HOMER1: variants seen among roughly 807,000 people sequenced by gnomAD.
HOMER1 encodes the protein homer scaffold protein 1, also known as homer protein homolog 1.
In HOMER1, 3 loss-of-function variants were observed where a neutral mutation model predicts 48.9. The ratio of observed to expected loss-of-function variants is 0.06; its 90% CI spans 0.03 to 0.16. The LOEUF is 0.16. HOMER1 is among the 10% of genes least tolerant of loss of function. HOMER1 has a pLI of 1.00. For synonymous variants in HOMER1, 134 were observed against 146.4 expected (o/e 0.92, Z 0.61); for missense variants, 247 against 411.4 (o/e 0.60, Z 3.46).
intron 1 of HOMER1, among the ~76,000 whole-genome samples, chr5:79,479,235 T>C (rs887887796): frequency 3.9e-5 from 6 of 152,176 alleles, no homozygotes; most frequent in African/African-American, 1.4e-4. Flanking sequence ...AATTTGTTGA[T>C]AGGTCCTTCA....
At chr5:79,419,110 G>A (rs1750027346) in intron 5 of HOMER1, among the ~76,000 whole-genome samples, 1 of 151,938 alleles carries the variant, frequency 6.6e-6, no homozygotes, top group Non-Finnish European at 1.5e-5. Flanking sequence ...TAGAAAGGAT[G>A]TCTATATTTT....
At chr5:79,396,734 A>T in intron 8 of HOMER1, 89 bp downstream of exon 8, 1 of 639,818 alleles carries the variant, frequency 1.6e-6, no homozygotes, top group Non-Finnish European at 2.6e-6. Flanking sequence ...AAAACCTACA[A>T]AATGGAGTCT....
intron 5 of HOMER1, among the ~76,000 whole-genome samples, chr5:79,413,071 T>G (rs1298945467): frequency 1.3e-5 from 2 of 152,164 alleles, no homozygotes; most frequent in East Asian, 3.9e-4. Flanking sequence ...AACTTAAAGC[T>G]TAATCAATAC....
chr5:79,510,891 A>T (rs1752924080), intron 1 of HOMER1: 4 of 668,574 alleles, frequency 6.0e-6, no homozygotes, highest in Non-Finnish European at 1.1e-5. Flanking sequence ...CAGAGGCTTC[A>T]GAGTAGATAT....
rs186182872 is a variant in HOMER1, at chr5:79,462,704, C to G, written c.6-5686G>C. The stretch of plus-strand genomic sequence containing the variant: ...AGTTTTGGTCTAGAAAAAAAGCAGA[C>G]AGTTAACATTCATCACTTGGATAGC... On this transcript the variant is annotated intron_variant, in intron 1 of 8. Transcript: ENST00000334082. 2.7e-3 allele frequency among the ~76,000 whole-genome samples: 407 copies of G among 152,248 alleles called. 4 individuals carry two copies. Among genetic ancestry groups the G allele is most frequent in the Admixed American group, 0.023 (359 of 15,286 alleles).
At chr5:79,462,026 C>T (rs1408590099) in intron 1 of HOMER1, among the ~76,000 whole-genome samples, 1 of 152,008 alleles carries the variant, frequency 6.6e-6, no homozygotes, top group African/African-American at 2.4e-5. Context: ...TGGTAAAACC[C>T]CATCTCTACT....
chr5:79,492,565 G>A (rs543535135), intron 1 of HOMER1, among the ~76,000 whole-genome samples: 39 of 152,066 alleles, frequency 2.6e-4, no homozygotes, highest in Non-Finnish European at 4.6e-4. Context: ...CAAGTGCTTC[G>A]CATGTGGTAT....
chr5:79,439,110 C>T lies in HOMER1; in HGVS notation c.427G>A (p.Glu143Lys). The T allele has an allele frequency of 6.2e-7, 1 of 1,613,946 alleles. No homozygotes were observed. The highest frequency in any genetic ancestry group is 8.5e-7 in the Non-Finnish European group (1 of 1,179,922). Residue 143 changes from glutamate (E) to lysine (K), a missense_variant, in exon 5 of 9, where the codon GAA (glutamate) becomes AAA (lysine). By Grantham distance (56) the Glu-to-Lys change is moderately conservative. Coordinates refer to ENST00000334082, the MANE Select transcript of HOMER1 (RefSeq NM_004272.5). ...TCATCATCTGTCCCGTTGATACTTT[C>T]CGGTGTTAAAGGAGACTGAAGATCC... ...GGDLQSPLTP[E>K]SINGTDDERT...
chr5:79,502,081 G>A (rs935222637), intron 1 of HOMER1, among the ~76,000 whole-genome samples: 35 of 146,448 alleles, frequency 2.4e-4, no homozygotes, highest in African/African-American at 6.1e-4. Flanking sequence ...GTTCAGTGGC[G>A]CGATCTTGGC....
At chr5:79,484,941 T>C (rs1752055318) in intron 1 of HOMER1, among the ~76,000 whole-genome samples, 1 of 151,646 alleles carries the variant, frequency 6.6e-6, no homozygotes, top group South Asian at 2.1e-4. Context: ...TGAAAAAGTA[T>C]TTCCTGAGGC....
At chr5:79,480,483 A>C (rs1219037069) in intron 1 of HOMER1, among the ~76,000 whole-genome samples, 1 of 152,232 alleles carries the variant, frequency 6.6e-6, no homozygotes, top group Non-Finnish European at 1.5e-5. Flanking sequence ...CACTACTTAT[A>C]GAAACTAAAC....
intron 5 of HOMER1, among the ~76,000 whole-genome samples, chr5:79,438,054 AATCC>A (rs1484403746): frequency 0.032 from 4,856 of 152,252 alleles, 238 homozygotes; most frequent in African/African-American, 0.11. Context: ...AAGGGCATTT[AATCC>A]AATGCCCTTA....
chr5:79,501,658 C>A (rs908117068), intron 1 of HOMER1, among the ~76,000 whole-genome samples: 1 of 152,092 alleles, frequency 6.6e-6, no homozygotes, highest in Non-Finnish European at 1.5e-5. Context: ...AGTTAGAAAC[C>A]CTTCTCCAAA....
chr5:79,434,300 A>G lies in HOMER1; in HGVS notation c.527+4710T>C, dbSNP rs558116733. Among the ~76,000 whole-genome samples the G allele has an allele frequency of 2.0e-5, 3 of 152,094 alleles. No homozygotes were observed. The South Asian group carries it at 6.2e-4, about 32-fold the overall frequency. ...TATAAAATCAACTATTTCCAAGATA[A>G]TTTTCAGTGGCTTTAAATCTTTTTA... On this transcript the variant is annotated intron_variant, in intron 5 of 8. Coordinates refer to ENST00000334082, the MANE Select transcript of HOMER1 (RefSeq NM_004272.5).
chr5:79,421,468 G>GA (rs1750097261), intron 5 of HOMER1, among the ~76,000 whole-genome samples: 1 of 152,070 alleles, frequency 6.6e-6, no homozygotes, highest in African/African-American at 2.4e-5. Flanking sequence ...AACATATAAG[G>GA]AAAGTTTACT....
chr5:79,453,563 A>G (rs1457509452), intron 2 of HOMER1, among the ~76,000 whole-genome samples: 1 of 152,188 alleles, frequency 6.6e-6, no homozygotes, highest in East Asian at 1.9e-4. Flanking sequence ...GAATGCATTT[A>G]AAAGAAAAAT....
rs138821138 is a variant in HOMER1, at chr5:79,393,616, C to T, written c.876+3207G>A. On this transcript the variant is annotated intron_variant, in intron 8 of 8. Coordinates refer to ENST00000334082, the MANE Select transcript of HOMER1 (RefSeq NM_004272.5). The stretch of plus-strand genomic sequence containing the variant: ...ATATCCAGTGGGTACCCTGCTTTTC[C>T]AGATGTCAATTTCCCAGCATAAGAA... Among the ~76,000 whole-genome samples the T allele has an allele frequency of 2.9e-3, 437 of 152,272 alleles. 2 individuals carry two copies. The highest frequency in any genetic ancestry group is 0.01 in the African/African-American group (417 of 41,552).
chr5:79,445,279 C>T (rs1178194714), intron 4 of HOMER1, among the ~76,000 whole-genome samples: 1 of 152,114 alleles, frequency 6.6e-6, no homozygotes, highest in Admixed American at 6.5e-5. Flanking sequence ...CTACTGAGTA[C>T]AGTTCAGAAA....
chr5:79,479,312 T>A (rs535158470), intron 1 of HOMER1, among the ~76,000 whole-genome samples: 1 of 152,298 alleles, frequency 6.6e-6, no homozygotes, highest in East Asian at 1.9e-4. Context: ...GAATGTTGCC[T>A]TATTTGGCAA....
Sources: gnomAD v4.1 joint callset for allele counts (sites outside exome capture counted in the v4.1 genomes callset) on GRCh38, gnomAD v4.1.1 for gene constraint, MANE v1.5 for transcripts, NCBI Gene and HGNC (gene_info 2026-07-23, HGNC 2026-07-21) for gene names.